DAB2IP: variants seen among roughly 807,000 people sequenced by gnomAD.
The protein encoded by DAB2IP is disabled homolog 2-interacting protein.
A neutral mutation model predicts 107.2 loss-of-function variants in DAB2IP; 28 were observed. That is an observed-to-expected ratio of 0.26 (90% confidence interval 0.19 to 0.36). The LOEUF is 0.36. Among genes scored for constraint, DAB2IP ranks in the 10% least tolerant of loss-of-function variants. DAB2IP has a pLI of 1.00. For missense variants in DAB2IP, 1,400 were observed against 1,644.7 expected, an observed-to-expected ratio of 0.85 and a Z score of 2.57; for synonymous variants, 755 against 706.4, an observed-to-expected ratio of 1.07 and a Z score of -1.09.
At position 121,699,480 on chromosome 9, in the gene DAB2IP, G is replaced by GGTCCCCCGCGCCGCCGCCCC. The variant is rs1829647543; in HGVS notation, c.362+24_362+43dup. The GGTCCCCCGCGCCGCCGCCCC allele has an allele frequency of 7.8e-7, 1 of 1,288,814 alleles. No homozygotes were observed. Among genetic ancestry groups the GGTCCCCCGCGCCGCCGCCCC allele is most frequent in the Admixed American group, 4.1e-5 (1 of 24,268 alleles). The allele number at this position is 1,288,814 out of a possible 1,614,324, so 79.8% of individuals were successfully genotyped here. Reference sequence around the variant, plus strand: ...AGAGGTGAGCCCGCCGCCGCCGCCCGGTCCCCCGCGCCGCCGCCCCGGGCT... The same window carrying GGTCCCCCGCGCCGCCGCCCC: ...AGAGGTGAGCCCGCCGCCGCCGCCCGGTCCCCCGCGCCGCCGCCCCGTCCCCCGCGCCGCCGCCCCGGGCT... On this transcript the variant is annotated intron_variant, in intron 3 of 15. Coordinates refer to ENST00000408936, the Ensembl canonical transcript of DAB2IP. This position sits in a 1 kb window ranked among gnomAD's most constrained non-coding sequence, Gnocchi z 6.2.
intron 1 of DAB2IP, among the ~76,000 whole-genome samples, chr9:121,642,064 T>G (rs1271884762): frequency 8.5e-6 from 1 of 117,696 alleles, no homozygotes; most frequent in South Asian, 2.9e-4. Flanking sequence ...TCTTTCTTTC[T>G]TTCTTTCTTT....
rs1394822829 is a variant in DAB2IP at position 121,698,451 on chromosome 9, GCT to G, written c.229-871_229-870del. On this transcript the variant is annotated intron_variant, in intron 2 of 15. Transcript: ENST00000408936. This position sits in a 1 kb window ranked among gnomAD's most constrained non-coding sequence, Gnocchi z 4.1. ...TGGGATGGGGGAGGTGGGGGATTAA[GCT>G]CTGTTTTCAGTCAGTGCAACCTGTT... 6.6e-6 allele frequency among the ~76,000 whole-genome samples: 1 copy of G among 152,212 alleles called. No homozygotes were observed. Among genetic ancestry groups the G allele is most frequent in the African/African-American group, 2.4e-5 (1 of 41,450 alleles).
chr9:121,757,087 C>T lies in DAB2IP; in HGVS notation c.437C>T (p.Ala146Val), dbSNP rs373166769. The T allele has an allele frequency of 2.3e-5, 37 of 1,614,064 alleles. No individual in the cohort carries two copies. Among genetic ancestry groups the T allele is most frequent in the South Asian group, 5.5e-5 (5 of 91,082 alleles). Residue 146 changes from alanine to valine, a missense_variant, in exon 4 of 16, where the codon GCG becomes GTG. By Grantham distance (64) the Ala-to-Val change is moderately conservative (BLOSUM62 0). This residue lies in a region of DAB2IP where 283 missense variants were observed against 237.0 expected (regional missense o/e 1.19). Transcript: ENST00000408936. ...CTCAGCCCCAGCAGTGCGGTGGAGG[C>T]GCTGGACCTCAGCATGGAGGAAGAG...
In DAB2IP at chr9:121,702,159, GA is replaced by G. The variant is rs938317944; in HGVS notation, c.362+2703del. Among the ~76,000 whole-genome samples, 7 of 152,206 alleles carry G rather than the reference GA, an allele frequency of 4.6e-5. No homozygotes were observed. Among genetic ancestry groups the G allele is most frequent in the African/African-American group, 1.7e-4 (7 of 41,446 alleles). ...ATATGGCTGCTGAAGAGGCTTTGTTGAATGCTGTCTGCGTGCTCCGCAAGCT... is the reference window on the plus strand; with the variant it reads ...ATATGGCTGCTGAAGAGGCTTTGTTGATGCTGTCTGCGTGCTCCGCAAGCT... On this transcript the variant is annotated intron_variant, in intron 3 of 15. Coordinates refer to ENST00000408936, the Ensembl canonical transcript of DAB2IP. The surrounding 1 kb of genome is among the most constrained non-coding windows in gnomAD (Gnocchi z 4.5).
chr9:121,736,635 A>T lies in DAB2IP; in HGVS notation c.363-20378A>T, dbSNP rs1036436898. Among the ~76,000 whole-genome samples the T allele has an allele frequency of 1.3e-5, 2 of 152,184 alleles. No homozygotes were observed. The highest frequency in any genetic ancestry group is 4.8e-5 in the African/African-American group (2 of 41,450). On this transcript the variant is annotated intron_variant, in intron 3 of 15. Transcript: ENST00000408936. This position sits in a 1 kb window ranked among gnomAD's most constrained non-coding sequence, Gnocchi z 4.6. The stretch of plus-strand genomic sequence containing the variant: ...TTGGGGCGTGGCGCAGCCCGACGTT[A>T]GTCCGGAATGCTCTGGGAGCAGCGC...
At chr9:121,656,683 G>A (rs1201276577) in intron 1 of DAB2IP, among the ~76,000 whole-genome samples, 5 of 152,234 alleles carry the variant, frequency 3.3e-5, no homozygotes, top group Non-Finnish European at 2.9e-5. Flanking sequence ...TGTGTGCTGC[G>A]TGCCTGCTCC....
intron 8 of DAB2IP, among the ~76,000 whole-genome samples, chr9:121,764,744 C>T (rs1165852680): frequency 6.6e-6 from 1 of 152,224 alleles, no homozygotes; most frequent in African/African-American, 2.4e-5. Context: ...CCGGCCTTAC[C>T]TCACTCCTTG....
At position 121,772,663 on chromosome 9, in the gene DAB2IP, T is replaced by C; in HGVS notation, c.2135T>C (p.Phe712Ser). Residue 712 changes from phenylalanine (F) to serine (S), a missense_variant, in exon 12 of 16, where the codon TTT becomes TCT. Physicochemically the swap from Phe to Ser is radical, Grantham distance 155. Around this residue, in one of 3 missense-constraint regions of DAB2IP, gnomAD observed 600 missense variants for 659.1 expected, o/e 0.91. Coordinates refer to ENST00000408936, the Ensembl canonical transcript of DAB2IP. This position sits in a 1 kb window ranked among gnomAD's most constrained non-coding sequence, Gnocchi z 4.7. ...ACCCCCGAAAACAAGGACTTGTTTT[T>C]TGTCACAAGGTCCTCCGGGGTCCAG... 3.7e-6 allele frequency: 6 copies of C among 1,614,104 alleles called. No homozygotes were observed. The South Asian group carries it at 5.5e-5, about 15-fold the overall frequency.
chr9:121,774,205 C>G, intron 12 of DAB2IP, 55 bp from the exon 13 acceptor site: 1 of 1,501,524 alleles, frequency 6.7e-7, no homozygotes, highest in Non-Finnish European at 8.9e-7. Context: ...CACTCCCGCC[C>G]CTCCTGCTTG....
chr9:121,632,613 C>T lies in DAB2IP; in HGVS notation c.41-46065C>T, dbSNP rs78130720. Reference sequence around the variant, plus strand: ...CCCTCCAGCATAGACTCCCACCCCCCAGGAAGGGTCAAACACAAACTCCAT... The same window carrying T: ...CCCTCCAGCATAGACTCCCACCCCCTAGGAAGGGTCAAACACAAACTCCAT... On this transcript the variant is annotated intron_variant, in intron 1 of 16. Coordinates refer to the DAB2IP transcript ENST00000259371. 4.5e-3 allele frequency among the ~76,000 whole-genome samples: 690 copies of T among 152,286 alleles called. 8 individuals carry two copies. The highest frequency in any genetic ancestry group is 0.016 in the African/African-American group (665 of 41,564).
At chr9:121,680,905 G>A (rs930085760) in intron 2 of DAB2IP, among the ~76,000 whole-genome samples, 2 of 151,892 alleles carry the variant, frequency 1.3e-5, no homozygotes, top group Non-Finnish European at 2.9e-5. Flanking sequence ...ACCACCCCCA[G>A]CTATTTTTTG....
Position 121,651,895 on chromosome 9 carries a change from C to A in DAB2IP, c.120C>A (p.Ala40=). 7.1e-7 allele frequency: 1 copy of A among 1,403,366 alleles called. No homozygotes were observed. Among genetic ancestry groups the A allele is most frequent in the Non-Finnish European group, 9.3e-7 (1 of 1,071,924 alleles). The allele number at this position is 1,403,366 out of a possible 1,614,324, so 86.9% of individuals were successfully genotyped here. A position where few individuals can be genotyped will look rare whatever the true frequency, so the allele number is the denominator to read the frequency against. The change falls in exon 1 of 16, where the codon GCC becomes GCA. Residue 40 remains alanine, a synonymous_variant. Coordinates refer to ENST00000408936, the Ensembl canonical transcript of DAB2IP. The surrounding 1 kb of genome is among the most constrained non-coding windows in gnomAD (Gnocchi z 5.1). ...GCTCCCGCAGCCGGACCCGGCCTGC[C>A]AGGGGTAGGCGCCACCCCGACCCCT...
At chr9:121,755,401 G>T (rs1432961580) in intron 3 of DAB2IP, among the ~76,000 whole-genome samples, 3 of 152,364 alleles carry the variant, frequency 2.0e-5, no homozygotes, top group Non-Finnish European at 4.4e-5. Context: ...AGTTGGGGAG[G>T]GTTCCCCCCT....
intron 1 of DAB2IP, among the ~76,000 whole-genome samples, chr9:121,657,696 G>A (rs1228033049): frequency 6.6e-6 from 1 of 151,960 alleles, no homozygotes; most frequent in Non-Finnish European, 1.5e-5. Flanking sequence ...AACTCAGAGA[G>A]CGCTGGAATG....
At chr9:121,572,501 A>T (rs1470609444) in intron 1 of DAB2IP, among the ~76,000 whole-genome samples, 1 of 152,170 alleles carries the variant, frequency 6.6e-6, no homozygotes, top group African/African-American at 2.4e-5. Context: ...ATCCTTAGGC[A>T]TCCTCCCCGA....
intron 1 of DAB2IP, among the ~76,000 whole-genome samples, chr9:121,641,833 CTTTTCTTTCTTTCT>C (rs1201934870): frequency 1.5e-4 from 22 of 151,484 alleles, no homozygotes; most frequent in African/African-American, 2.7e-4. Context: ...CTCTTTCTTT[CTTTTCTTTCTTTCT>C]TTTTCTTTCT....
intron 8 of DAB2IP, 91 bp downstream of exon 8, chr9:121,763,970 GC>G (rs1834079263): frequency 6.5e-7 from 1 of 1,546,162 alleles, no homozygotes; most frequent in Non-Finnish European, 8.8e-7. Context: ...ATGCTGCCTG[GC>G]CCCTGAGTTG....
chr9:121,651,665 C>G lies in DAB2IP; in HGVS notation c.-111C>G, dbSNP rs974053770. Reference sequence around the variant, plus strand: ...GTGGGGCAGCCAGGGCCTCGGCGGCCGCTCGGGCGAGCGCGGGAGAACGCG... The same window carrying G: ...GTGGGGCAGCCAGGGCCTCGGCGGCGGCTCGGGCGAGCGCGGGAGAACGCG... On this transcript the variant is annotated 5_prime_UTR_variant, in exon 1 of 16. Coordinates refer to ENST00000408936, the Ensembl canonical transcript of DAB2IP. The surrounding 1 kb of genome is among the most constrained non-coding windows in gnomAD (Gnocchi z 5.1). The G allele has an allele frequency of 9.2e-6, 10 of 1,091,448 alleles. No individual in the cohort carries two copies. In the African/African-American group the frequency reaches 1.5e-4, roughly 16 times the overall value. 67.6% of individuals were successfully genotyped at this position (1,091,448 alleles called of 1,614,324 possible). A position where few individuals can be genotyped will look rare whatever the true frequency, so the allele number is the denominator to read the frequency against.
intron 1 of DAB2IP, among the ~76,000 whole-genome samples, chr9:121,604,269 T>C (rs79238057): frequency 0.045 from 6,800 of 152,274 alleles, 487 homozygotes; most frequent in African/African-American, 0.15. Flanking sequence ...CCTCAGCCTT[T>C]CCTGAATCTG....
Sources: gnomAD v4.1 joint callset for allele counts (sites outside exome capture counted in the v4.1 genomes callset) on GRCh38, gnomAD v4.1.1 for gene constraint, gnomAD v4.1.1 regional missense constraint, Gnocchi (gnomAD v3.1) non-coding constraint, MANE v1.5 for transcripts, NCBI Gene and HGNC (gene_info 2026-07-23, HGNC 2026-07-21) for gene names.